Variants in ANAPC5 observed in about 807,000 individuals in gnomAD.
ANAPC5 encodes anaphase promoting complex subunit 5, also known as anaphase-promoting complex subunit 5.
Under a neutral mutation model 91.3 loss-of-function variants are expected in ANAPC5, and 60 were observed. The observed-to-expected ratio is 0.66, with a 90% CI of 0.53 to 0.81. ANAPC5 has a LOEUF of 0.81. Ranked by LOEUF, ANAPC5 falls within the 40% of genes least tolerant of loss-of-function variation. The pLI is 0.00. For synonymous variants in ANAPC5, 340 were observed against 364.1 expected (o/e 0.93, Z 0.75); for missense variants, 690 against 931.5 (o/e 0.74, Z 3.37).
chr12:121,328,353 C>T lies in ANAPC5; in HGVS notation c.1267G>A (p.Ala423Thr), dbSNP rs1902901804. Residue 423 changes from alanine (A) to threonine (T), a missense_variant, in exon 10 of 17, where the codon GCA becomes ACA. By Grantham distance (58) the Ala-to-Thr change is moderately conservative. This residue lies in a region of ANAPC5 where 317 missense variants were observed against 438.7 expected (regional missense o/e 0.72). Transcript: ENST00000261819. ...SLSELIDISI[A>T]QKTAIWRLYG... Reference sequence around the variant, plus strand: ...AGCCTCCAGATGGCCGTTTTCTGTGCGATGCTGATATCGATGAGCTCTGAC... The same window carrying T: ...AGCCTCCAGATGGCCGTTTTCTGTGTGATGCTGATATCGATGAGCTCTGAC... 1.9e-6 allele frequency: 3 copies of T among 1,613,854 alleles called. No individual in the cohort carries two copies. The highest frequency in any genetic ancestry group is 2.5e-6 in the Non-Finnish European group (3 of 1,179,958).
chr12:121,331,254 T>C, intron 8 of ANAPC5, 93 bp downstream of exon 8: 2 of 1,073,224 alleles, frequency 1.9e-6, no homozygotes. Context: ...TGAAGATCTC[T>C]GCTCCAACTG....
intron 9 of ANAPC5, 84 bp downstream of exon 9, chr12:121,330,499 G>T: frequency 1.8e-6 from 2 of 1,083,646 alleles, no homozygotes; most frequent in Middle Eastern, 2.0e-4. Context: ...TAAATCTATC[G>T]CTGGTTAATG....
Position 121,318,580 on chromosome 12 carries a change from G to T in ANAPC5, c.1666C>A (p.Gln556Lys). The T allele has an allele frequency of 6.2e-7, 1 of 1,614,066 alleles. No individual in the cohort carries two copies. Among genetic ancestry groups the T allele is most frequent in the South Asian group, 1.1e-5 (1 of 91,054 alleles). ...RKAVVLQAQN[Q>K]MSEAHKLLQK... ...AAAAGCTTATGTGCCTCTGACATTT[G>T]GTTCTGAGCTTGTAATACAACCGCT... is the stretch of plus-strand genomic sequence containing the variant. Residue 556 changes from glutamine to lysine, a missense_variant, in exon 14 of 17, where the codon CAA becomes AAA. Physicochemically the swap from Gln to Lys is moderately conservative, Grantham distance 53. Coordinates refer to ENST00000261819, the MANE Select transcript of ANAPC5 (RefSeq NM_016237.5).
chr12:121,322,338 T>C (rs1902651549), intron 11 of ANAPC5, among the ~76,000 whole-genome samples: 1 of 152,038 alleles, frequency 6.6e-6, no homozygotes, highest in South Asian at 2.1e-4. Flanking sequence ...TTTGTATTTT[T>C]AGTAGAGACA....
In ANAPC5 at chr12:121,318,718, GATTTA is replaced by G. The variant is rs1466553583; in HGVS notation, c.1638-115_1638-111del. ...CCTCCCAAGGGAAAAAACTGTGCCT[GATTTA>G]ATTTTTGTTGAAAGAGGCTGAGCGC... On this transcript the variant is annotated intron_variant, in intron 13 of 16. Transcript: ENST00000261819. 6 of 1,027,500 alleles carry G rather than the reference GATTTA, an allele frequency of 5.8e-6. No individual in the cohort carries two copies. In the East Asian group the frequency reaches 1.5e-4, roughly 25 times the overall value. 63.6% of individuals were successfully genotyped at this position (1,027,500 alleles called of 1,614,324 possible).
Position 121,319,632 on chromosome 12 carries a change from A to G in ANAPC5, c.1637+65T>C, listed in dbSNP as rs1902516090. 4 of 1,507,806 alleles carry G rather than the reference A, an allele frequency of 2.7e-6. No homozygotes were observed. In the South Asian group the frequency reaches 5.1e-5, roughly 19 times the overall value. 93.4% of individuals were successfully genotyped at this position (1,507,806 alleles called of 1,614,324 possible). ...AGCTAAAATAAATTAATGCACATAT[A>G]AAACAAAAACAAAACCATTTAACAA... On this transcript the variant is annotated intron_variant, in intron 13 of 16. Coordinates refer to ENST00000261819, the MANE Select transcript of ANAPC5 (RefSeq NM_016237.5).
In ANAPC5 at chr12:121,349,988, G is replaced by A. The variant is rs7954852; in HGVS notation, c.208-2107C>T. On this transcript the variant is annotated intron_variant, in intron 1 of 16. Transcript: ENST00000261819. ...AGCCTCCCAAAGTGCCGGGGTTACAGGTGTGATCCCACCCGGCCTTTTATT... is the reference window on the plus strand; with the variant it reads ...AGCCTCCCAAAGTGCCGGGGTTACAAGTGTGATCCCACCCGGCCTTTTATT... 3.4e-3 allele frequency among the ~76,000 whole-genome samples: 524 copies of A among 152,130 alleles called. 6 individuals are homozygous for A. Among genetic ancestry groups the A allele is most frequent in the African/African-American group, 0.012 (491 of 41,518 alleles).
intron 7 of ANAPC5, among the ~76,000 whole-genome samples, chr12:121,335,325 C>T (rs1903189056): frequency 6.6e-6 from 1 of 152,086 alleles, no homozygotes; most frequent in Non-Finnish European, 1.5e-5. Flanking sequence ...GCCACCACAC[C>T]TGGCTAATTT....
chr12:121,309,132 G>A (rs1902057415), intron 16 of ANAPC5, among the ~76,000 whole-genome samples: 1 of 117,012 alleles, frequency 8.5e-6, no homozygotes, highest in South Asian at 3.2e-4. Context: ...CTGGGCGACA[G>A]AGTGACTCCA....
intron 5 of ANAPC5, among the ~76,000 whole-genome samples, chr12:121,339,979 C>CGATTCT (rs1394351939): frequency 2.7e-5 from 4 of 146,950 alleles, no homozygotes; most frequent in African/African-American, 1.0e-4. Flanking sequence ...CAGGTTCAAG[C>CGATTCT]GATTCTCCTG....
chr12:121,308,524 G>A lies in ANAPC5; in HGVS notation c.2224C>T (p.Gln742Ter). The A allele has an allele frequency of 6.2e-7, 1 of 1,614,126 alleles. No individual in the cohort carries two copies. Among genetic ancestry groups the A allele is most frequent in the South Asian group, 1.1e-5 (1 of 91,072 alleles). Residue 742 changes from glutamine to a stop codon, truncating the protein, a stop_gained, in exon 17 of 17, where the codon CAG becomes TAG. Coordinates refer to ENST00000261819, the MANE Select transcript of ANAPC5 (RefSeq NM_016237.5). LOFTEE classifies it high-confidence loss of function. Reference sequence around the variant, plus strand: ...GGTACCCCATGAGAGGGCAGCTCCTGATGCAGCTGCCGGAAGAGCATCGCA... The same window carrying A: ...GGTACCCCATGAGAGGGCAGCTCCTAATGCAGCTGCCGGAAGAGCATCGCA... The part of the protein sequence containing the change: ...RCAMLFRQLH[Q>*]ELPSHGVPLI...
chr12:121,310,926 T>C (rs1227316359), intron 15 of ANAPC5, among the ~76,000 whole-genome samples: 2 of 102,822 alleles, frequency 1.9e-5, no homozygotes, highest in African/African-American at 5.1e-5. Flanking sequence ...AGAGTGAGAC[T>C]CCATCTCAAA....
chr12:121,310,496 A>C (rs1007159698), intron 15 of ANAPC5: 3 of 152,358 alleles, frequency 2.0e-5, no homozygotes, highest in Admixed American at 2.0e-4. Context: ...CCAGGAGGTC[A>C]AGGTTGCAGT....
At chr12:121,346,086 C>G (rs1903656718) in intron 3 of ANAPC5, 55 bp from the exon 4 acceptor site, 2 of 1,398,862 alleles carry the variant, frequency 1.4e-6, no homozygotes, top group Non-Finnish European at 2.0e-6. Flanking sequence ...CCAGGCTACG[C>G]AATGGCAACT....
chr12:121,346,875 C>T (rs782322833), intron 3 of ANAPC5, 21 bp downstream of exon 3: 4 of 1,482,620 alleles, frequency 2.7e-6, no homozygotes, highest in Non-Finnish European at 3.7e-6. Flanking sequence ...ACTCTCTGCT[C>T]TTCTTAGAAG....
chr12:121,354,149 C>T (rs1904001832), upstream of ANAPC5, among the ~76,000 whole-genome samples: 1 of 152,014 alleles, frequency 6.6e-6, no homozygotes, highest in Admixed American at 6.6e-5. Context: ...CCACCACGCC[C>T]GGCTAATTTT....
rs144633905 is a variant in ANAPC5, at chr12:121,344,388, G to C, written c.590+1451C>G. ...GAGGTCAGGAATTTGAGACCAGCCT[G>C]GCCAACACAGTGAAACCCCATCTCT... On this transcript the variant is annotated intron_variant, in intron 4 of 16. Transcript: ENST00000261819. Among the ~76,000 whole-genome samples, 439 of 152,226 alleles carry C rather than the reference G, an allele frequency of 2.9e-3. 3 individuals are homozygous for C. The highest frequency in any genetic ancestry group is 0.01 in the African/African-American group (419 of 41,538).
intron 11 of ANAPC5, among the ~76,000 whole-genome samples, chr12:121,322,317 C>T (rs1479393009): frequency 7.2e-5 from 11 of 151,960 alleles, no homozygotes; most frequent in Admixed American, 2.0e-4. Context: ...CACCACCACA[C>T]CCAGCTAGTT....
intron 15 of ANAPC5, 80 bp downstream of exon 15, chr12:121,318,197 C>T (rs1902447552): frequency 7.1e-7 from 1 of 1,406,066 alleles, no homozygotes; most frequent in African/African-American, 1.5e-5. Context: ...TCATTATTAT[C>T]CTTTCAATAC....
Sources: gnomAD v4.1 joint callset for allele counts (sites outside exome capture counted in the v4.1 genomes callset) on GRCh38, gnomAD v4.1.1 for gene constraint, gnomAD v4.1.1 regional missense constraint, MANE v1.5 for transcripts, NCBI Gene and HGNC (gene_info 2026-07-23, HGNC 2026-07-21) for gene names.